The following ANKRD55 variants were observed in gnomAD, a reference collection of about 807,000 sequenced individuals.
ANKRD55 encodes ankyrin repeat domain-containing protein 55.
A neutral mutation model predicts 60.6 loss-of-function variants in ANKRD55; 41 were observed. The ratio of observed to expected loss-of-function variants is 0.68; its 90% CI spans 0.53 to 0.88. The LOEUF (loss-of-function observed/expected upper bound fraction) is 0.88, where lower values mean the gene tolerates loss of function less well. Ranked by LOEUF, ANKRD55 falls within the 40% of genes least tolerant of loss-of-function variation. ANKRD55 has a pLI of 0.00. For missense variants in ANKRD55, 732 were observed against 767.6 expected, an observed-to-expected ratio of 0.95 and a Z score of 0.55; for synonymous variants, 264 against 290.3, an observed-to-expected ratio of 0.91 and a Z score of 0.92.
At chr5:56,162,079 T>C (rs1758346221) in intron 5 of ANKRD55, 2 of 983,004 alleles carry the variant, frequency 2.0e-6, no homozygotes, top group Non-Finnish European at 2.4e-6. Context: ...TCTGAGGGAC[T>C]GGGGGAGGAG....
chr5:56,176,378 A>C, intron 3 of ANKRD55, 96 bp from the exon 4 acceptor site: 1 of 1,421,538 alleles, frequency 7.0e-7, no homozygotes, highest in South Asian at 1.2e-5. Flanking sequence ...GCTATTTGCA[A>C]TACAAACCCA....
At chr5:56,114,855 T>C (rs956915384) in intron 9 of ANKRD55, among the ~76,000 whole-genome samples, 2 of 152,140 alleles carry the variant, frequency 1.3e-5, no homozygotes, top group African/African-American at 4.8e-5. Context: ...TACGTATTTA[T>C]ATAAGGCTGG....
At chr5:56,156,342 A>T (rs962887225) in intron 6 of ANKRD55, among the ~76,000 whole-genome samples, 3 of 152,216 alleles carry the variant, frequency 2.0e-5, no homozygotes, top group African/African-American at 7.2e-5. Flanking sequence ...CCTTTGCATG[A>T]GGAGGAACCA....
At chr5:56,192,798 AT>A in intron 2 of ANKRD55, 1 of 899,988 alleles carries the variant, frequency 1.1e-6, no homozygotes, top group Non-Finnish European at 1.7e-6. Context: ...GAAAACCTCT[AT>A]TAGCAAGTTA....
chr5:56,222,381 C>T (rs1373808017), intron 2 of ANKRD55, among the ~76,000 whole-genome samples: 1 of 152,074 alleles, frequency 6.6e-6, no homozygotes, highest in East Asian at 1.9e-4. Flanking sequence ...TAGATAAAAC[C>T]ACAAAGATTG....
intron 7 of ANKRD55, among the ~76,000 whole-genome samples, chr5:56,133,039 G>A (rs6861339): frequency 0.044 from 6,630 of 152,292 alleles, 487 homozygotes; most frequent in African/African-American, 0.15. Context: ...AAAGCTGCAA[G>A]AAGAAACAGA....
At chr5:56,131,378 A>G (rs1757407242) in intron 7 of ANKRD55, among the ~76,000 whole-genome samples, 1 of 152,208 alleles carries the variant, frequency 6.6e-6, no homozygotes, top group African/African-American at 2.4e-5. Flanking sequence ...AAAGCCTCCC[A>G]TCAACAAGAA....
At position 56,100,120 on chromosome 5, in the gene ANKRD55, A is replaced by C. The variant is rs1756224906; in HGVS notation, c.*63T>G. ...GTCTTCGTTCTTACAAACTGGAGTAATCTTGTCCTTTGAGAGTTGAAAATA... is the reference window on the plus strand; with the variant it reads ...GTCTTCGTTCTTACAAACTGGAGTACTCTTGTCCTTTGAGAGTTGAAAATA... On this transcript the variant is annotated 3_prime_UTR_variant, in exon 12 of 12. Coordinates refer to ENST00000341048, the MANE Select transcript of ANKRD55 (RefSeq NM_024669.3). 3 of 1,609,676 alleles carry C rather than the reference A, an allele frequency of 1.9e-6. No individual in the cohort carries two copies. The South Asian group carries it at 3.3e-5, about 18-fold the overall frequency.
In ANKRD55 at chr5:56,200,139, G is replaced by C. The variant is rs1014861219; in HGVS notation, c.59-16505C>G. Among the ~76,000 whole-genome samples, 3 of 151,962 alleles carry C rather than the reference G, an allele frequency of 2.0e-5. No homozygotes were observed. The East Asian group carries it at 5.8e-4, about 29-fold the overall frequency. ...AATGAATTTATGTTCTTTTATACCT[G>C]TCAGAATAAACCAAATTCAGGCTTA... On this transcript the variant is annotated intron_variant, in intron 2 of 11. Transcript: ENST00000341048.
At chr5:56,126,727 C>T (rs1458406580) in intron 8 of ANKRD55, among the ~76,000 whole-genome samples, 195 bp downstream of exon 8, 1 of 152,218 alleles carries the variant, frequency 6.6e-6, no homozygotes, top group Non-Finnish European at 1.5e-5. Flanking sequence ...TGTACAGTCG[C>T]AGTCTTCCTC....
intron 7 of ANKRD55, among the ~76,000 whole-genome samples, chr5:56,136,686 T>G (rs902108046): frequency 1.3e-5 from 2 of 151,990 alleles, no homozygotes; most frequent in Non-Finnish European, 2.9e-5. Flanking sequence ...TTTGGGAGGC[T>G]AGGGTGGGAG....
chr5:56,180,444 A>G (rs1259816519), intron 3 of ANKRD55, among the ~76,000 whole-genome samples: 1 of 152,178 alleles, frequency 6.6e-6, no homozygotes, highest in Non-Finnish European at 1.5e-5. Context: ...GTCTATATAC[A>G]CAAAAAATCT....
At chr5:56,158,890 C>T (rs115434377) in intron 6 of ANKRD55, among the ~76,000 whole-genome samples, 1,706 of 152,232 alleles carry the variant, frequency 0.011, 33 homozygotes, top group African/African-American at 0.04. Context: ...AATGGAGTCT[C>T]GCTCTGCTGC....
Position 56,168,630 on chromosome 5 carries a change from T to C in ANKRD55, c.422+2064A>G, listed in dbSNP as rs553227248. Among the ~76,000 whole-genome samples the C allele has an allele frequency of 7.2e-5, 11 of 152,348 alleles. No individual in the cohort carries two copies. The East Asian group carries it at 1.7e-3, about 24-fold the overall frequency. ...AAAAAAACATAGCATATATGGACTT[T>C]GGTACTATCTGAGGTTTCAGACATC... On this transcript the variant is annotated intron_variant, in intron 5 of 11. Transcript: ENST00000341048.
chr5:56,194,691 A>G (rs1386593566), intron 2 of ANKRD55, among the ~76,000 whole-genome samples: 3 of 152,140 alleles, frequency 2.0e-5, no homozygotes, highest in Non-Finnish European at 4.4e-5. Context: ...TAATTTACTC[A>G]AAGTATTCAC....
chr5:56,194,332 A>G lies in ANKRD55; in HGVS notation c.59-10698T>C, dbSNP rs1264718325. On this transcript the variant is annotated intron_variant, in intron 2 of 11. Coordinates refer to ENST00000341048, the MANE Select transcript of ANKRD55 (RefSeq NM_024669.3). The stretch of plus-strand genomic sequence containing the variant: ...CTCCATCTCAAAAAAAAAAAAAAAA[A>G]GAAAATTTTATAAAGAAATATTGTT... Among the ~76,000 whole-genome samples the G allele has an allele frequency of 2.6e-5, 4 of 151,524 alleles. No individual in the cohort carries two copies. In the East Asian group the frequency reaches 5.8e-4, roughly 22 times the overall value.
chr5:56,135,278 CCCTG>C (rs1169110153), intron 7 of ANKRD55, among the ~76,000 whole-genome samples: 1,153 of 76,924 alleles, frequency 0.015, 65 homozygotes, highest in Middle Eastern at 0.062. Context: ...CTCCCTCCCT[CCCTG>C]CCTGCCTGCT....
chr5:56,151,979 A>G (rs904385863), intron 6 of ANKRD55, among the ~76,000 whole-genome samples: 14 of 148,936 alleles, frequency 9.4e-5, no homozygotes, highest in Non-Finnish European at 1.8e-4. Flanking sequence ...TGCCTCACTA[A>G]AGCTTTTGTG....
At chr5:56,229,912 A>G (rs1760208054) in intron 2 of ANKRD55, among the ~76,000 whole-genome samples, 1 of 151,636 alleles carries the variant, frequency 6.6e-6, no homozygotes, top group Non-Finnish European at 1.5e-5. Flanking sequence ...CCAACTTTGA[A>G]CCTCTCTGTG....
Sources: allele counts gnomAD v4.1 joint callset (sites outside exome capture counted in the v4.1 genomes callset), GRCh38; gene constraint gnomAD v4.1.1; transcripts MANE v1.5; gene names NCBI Gene and HGNC (gene_info 2026-07-23, HGNC 2026-07-21).